Variants in KIT observed in about 807,000 individuals in gnomAD.
KIT encodes mast/stem cell growth factor receptor Kit.
Under a neutral mutation model 105.7 loss-of-function variants are expected in KIT, and 16 were observed. That is an observed-to-expected ratio of 0.15 (90% confidence interval 0.10 to 0.23). KIT has a LOEUF of 0.23. KIT is among the 10% of genes least tolerant of loss of function. The pLI, the probability that KIT is intolerant of heterozygous loss-of-function variation, is 1.00. For synonymous variants in KIT, 438 were observed against 441.1 expected (o/e 0.99, Z 0.09); for missense variants, 858 against 1,213.8 (o/e 0.71, Z 4.36).
chr4:54,670,776 TC>T (rs1355833802), intron 1 of KIT, among the ~76,000 whole-genome samples: 1 of 152,052 alleles, frequency 6.6e-6, no homozygotes, highest in Admixed American at 6.6e-5. Context: ...AGACCCTCAT[TC>T]CCGAGGGGTC....
intron 4 of KIT, among the ~76,000 whole-genome samples, chr4:54,702,347 G>A (rs1030990650): frequency 2.0e-5 from 3 of 151,876 alleles, no homozygotes; most frequent in Non-Finnish European, 2.9e-5. Context: ...ATTTCATAAT[G>A]TAATTAACAT....
intron 1 of KIT, among the ~76,000 whole-genome samples, chr4:54,666,118 A>G (rs968056883): frequency 5.9e-5 from 9 of 152,170 alleles, no homozygotes; most frequent in Admixed American, 2.6e-4. Context: ...AACTTAAAGA[A>G]ATTGGATTTA....
chr4:54,718,672 A>C (rs929112753), intron 7 of KIT, among the ~76,000 whole-genome samples: 3 of 152,184 alleles, frequency 2.0e-5, no homozygotes, highest in Non-Finnish European at 4.4e-5. Flanking sequence ...GCTGAGCCCT[A>C]GTTGAGAAAA....
chr4:54,658,154 C>T (rs1206007666), intron 1 of KIT, 73 bp downstream of exon 1: 3 of 1,451,992 alleles, frequency 2.1e-6, no homozygotes, highest in South Asian at 1.1e-5. Context: ...GTGGTACCCG[C>T]CAGGGTGCAT....
chr4:54,685,635 C>T (rs1355975436), intron 1 of KIT, among the ~76,000 whole-genome samples: 1 of 152,214 alleles, frequency 6.6e-6, no homozygotes, highest in Non-Finnish European at 1.5e-5. Flanking sequence ...AGCTCACCCC[C>T]TTACCATGAC....
At position 54,703,882 on chromosome 4, in the gene KIT, G is replaced by A; in HGVS notation, c.915G>A (p.Leu305=). 1 of 1,612,614 alleles carries A rather than the reference G, an allele frequency of 6.2e-7. No homozygotes were observed. The highest frequency in any genetic ancestry group is 8.5e-7 in the Non-Finnish European group (1 of 1,178,680). The change falls in exon 5 of 21, where the codon TTG becomes TTA. Residue 305 remains leucine (L), a synonymous_variant. Coordinates refer to ENST00000288135, the MANE Select transcript of KIT (RefSeq NM_000222.3). ...GATCAGCAAATGTCACAACAACCTT[G>A]GAAGTAGTAGGTAAATACCTCTATG... ...TFGSANVTTT[L]EVVDKGFINI...
chr4:54,717,240 T>C (rs1011108618), intron 7 of KIT, among the ~76,000 whole-genome samples: 3 of 152,230 alleles, frequency 2.0e-5, no homozygotes, highest in Non-Finnish European at 4.4e-5. Context: ...TTGATTCTCT[T>C]CTGTTCTGAA....
chr4:54,721,302 C>A (rs949846465), intron 7 of KIT, among the ~76,000 whole-genome samples: 1 of 152,140 alleles, frequency 6.6e-6, no homozygotes, highest in Non-Finnish European at 1.5e-5. Flanking sequence ...TAAACTGAGT[C>A]CAGAGAGACC....
At chr4:54,674,183 C>A (rs1055335147) in intron 1 of KIT, among the ~76,000 whole-genome samples, 5 of 152,086 alleles carry the variant, frequency 3.3e-5, no homozygotes, top group African/African-American at 4.8e-5. Flanking sequence ...TTTCCCTTAC[C>A]TTTGCCCCTA....
chr4:54,700,670 TCTC>T (rs1173301415), intron 4 of KIT, among the ~76,000 whole-genome samples: 4 of 152,322 alleles, frequency 2.6e-5, no homozygotes, highest in Middle Eastern at 3.4e-3. Flanking sequence ...ATATTTTCTT[TCTC>T]CTCCTCTTCC....
At chr4:54,665,394 G>A (rs1717618235) in intron 1 of KIT, among the ~76,000 whole-genome samples, 1 of 152,192 alleles carries the variant, frequency 6.6e-6, no homozygotes, top group South Asian at 2.1e-4. Flanking sequence ...ACTCATGGCT[G>A]CGAGCTACAT....
intron 1 of KIT, among the ~76,000 whole-genome samples, chr4:54,661,227 G>T (rs1452805945): frequency 6.6e-6 from 1 of 152,138 alleles, no homozygotes; most frequent in Non-Finnish European, 1.5e-5. Flanking sequence ...ATTTACCCTG[G>T]ATAGCATGGT....
chr4:54,671,467 A>G (rs778379825), intron 1 of KIT, among the ~76,000 whole-genome samples: 2 of 152,182 alleles, frequency 1.3e-5, no homozygotes, highest in Non-Finnish European at 2.9e-5. Flanking sequence ...GACAATTTCA[A>G]TGAAATTAGC....
chr4:54,708,022 A>G (rs992508362), intron 6 of KIT, among the ~76,000 whole-genome samples: 3 of 152,192 alleles, frequency 2.0e-5, no homozygotes, highest in Non-Finnish European at 4.4e-5. Context: ...AATACGGGTG[A>G]GAGATGATAG....
At chr4:54,689,606 T>C (rs954919631) in intron 1 of KIT, among the ~76,000 whole-genome samples, 3 of 152,164 alleles carry the variant, frequency 2.0e-5, no homozygotes, top group African/African-American at 7.2e-5. Flanking sequence ...AGGCTAATAA[T>C]AGAGGCCAGT....
intron 7 of KIT, among the ~76,000 whole-genome samples, chr4:54,719,630 T>G (rs180916376): frequency 6.6e-6 from 1 of 152,222 alleles, no homozygotes; most frequent in Admixed American, 6.5e-5. Context: ...TATCTAAACC[T>G]CCAACTTGGG....
At chr4:54,670,647 G>A (rs1704620904) in intron 1 of KIT, among the ~76,000 whole-genome samples, 2 of 152,084 alleles carry the variant, frequency 1.3e-5, no homozygotes, top group African/African-American at 2.4e-5. Flanking sequence ...CTTTTCTCCC[G>A]CAAAGTGAGT....
At chr4:54,736,894 T>G in intron 19 of KIT, 74 bp downstream of exon 19, 1 of 1,101,130 alleles carries the variant, frequency 9.1e-7, no homozygotes, top group Non-Finnish European at 1.4e-6. Context: ...GAAACCCAGA[T>G]GTTGAGGGTT....
At chr4:54,731,195 A>G in intron 14 of KIT, 133 bp from the exon 15 acceptor site, 1 of 725,410 alleles carries the variant, frequency 1.4e-6, no homozygotes. Context: ...TCTTTATTCA[A>G]ACTTTACATG....
Sources: gnomAD v4.1 joint callset for allele counts (sites outside exome capture counted in the v4.1 genomes callset) on GRCh38, gnomAD v4.1.1 for gene constraint, MANE v1.5 for transcripts, NCBI Gene and HGNC (gene_info 2026-07-23, HGNC 2026-07-21) for gene names.